NEK1: variants seen among roughly 807,000 people sequenced by gnomAD.
NEK1 encodes NIMA related kinase 1.
NEK1 carries 137 observed loss-of-function variants against 182.1 expected under a neutral mutation model. The ratio of observed to expected loss-of-function variants is 0.75; its 90% confidence interval spans 0.65 to 0.87. NEK1 has a LOEUF of 0.87. Among genes scored for constraint, NEK1 ranks in the 40% least tolerant of loss-of-function variants. The pLI, the probability that NEK1 is intolerant of heterozygous loss-of-function variation, is 0.00. For synonymous variants in NEK1, 513 were observed against 492.2 expected, an observed-to-expected ratio of 1.04 and a Z score of -0.56; for missense variants, 1,391 against 1,494.4, an observed-to-expected ratio of 0.93 and a Z score of 1.14.
chr4:169,585,635 A>G, intron 9 of NEK1, 86 bp from the exon 10 acceptor site: 1 of 833,994 alleles, frequency 1.2e-6, no homozygotes, highest in Non-Finnish European at 1.8e-6. Flanking sequence ...TTCTTTTCCT[A>G]CCAATATAGA....
intron 12 of NEK1, among the ~76,000 whole-genome samples, chr4:169,567,041 G>A (rs1456125114): frequency 6.6e-6 from 1 of 151,498 alleles, no homozygotes; most frequent in African/African-American, 2.4e-5. Flanking sequence ...AGTGAGCCAA[G>A]ATTGCACCAC....
intron 18 of NEK1, among the ~76,000 whole-genome samples, chr4:169,542,833 T>A (rs954454822): frequency 2.0e-5 from 3 of 152,132 alleles, no homozygotes; most frequent in African/African-American, 7.2e-5. Context: ...TTTGCCCGCT[T>A]ATTGATGGGG....
chr4:169,581,228 T>C (rs1168387631), intron 10 of NEK1, among the ~76,000 whole-genome samples: 1 of 151,884 alleles, frequency 6.6e-6, no homozygotes, highest in African/African-American at 2.4e-5. Flanking sequence ...AATAAATTCC[T>C]CTCATGCTTA....
chr4:169,585,544 T>G lies in NEK1; in HGVS notation c.612A>C (p.Glu204Asp), dbSNP rs1451246726. 2 of 1,604,938 alleles carry G rather than the reference T, an allele frequency of 1.2e-6. No homozygotes were observed. The highest frequency in any genetic ancestry group is 1.7e-6 in the Non-Finnish European group (2 of 1,174,646). Residue 204 changes from glutamate (E) to aspartate (D), a missense_variant, in exon 10 of 36, where the codon GAA becomes GAC. Coordinates refer to ENST00000507142, the MANE Select transcript of NEK1 (RefSeq NM_001199397.3). Reference sequence around the variant, plus strand: ...GTACCAGGTTTTTCATACTGCCAGCTTCAAACTAAATTCCAGAAAATAAAT... The same window carrying G: ...GTACCAGGTTTTTCATACTGCCAGCGTCAAACTAAATTCCAGAAAATAAAT... Reference protein sequence around the residue: ...YELCTLKHAFEAGSMKNLVLK... With the variant: ...YELCTLKHAFDAGSMKNLVLK...
chr4:169,507,180 G>C, intron 22 of NEK1, 48 bp from the exon 23 acceptor site: 1 of 893,110 alleles, frequency 1.1e-6, no homozygotes, highest in Non-Finnish European at 1.6e-6. Context: ...AAGAAGGGCA[G>C]AGGTTTTTTT....
At chr4:169,535,763 C>T (rs1476778844) in intron 19 of NEK1, among the ~76,000 whole-genome samples, 1 of 151,308 alleles carries the variant, frequency 6.6e-6, no homozygotes, top group Non-Finnish European at 1.5e-5. Flanking sequence ...GCCTGGAATC[C>T]CAGCTACTCA....
chr4:169,594,045 A>G (rs1561478250), intron 5 of NEK1, among the ~76,000 whole-genome samples: 5 of 152,184 alleles, frequency 3.3e-5, no homozygotes, highest in Admixed American at 6.5e-5. Flanking sequence ...TTATTTCATC[A>G]CACATTAGTT....
chr4:169,588,056 G>A lies in NEK1; in HGVS notation c.552-443C>T, dbSNP rs1036699398. Among the ~76,000 whole-genome samples, 7 of 152,052 alleles carry A rather than the reference G, an allele frequency of 4.6e-5. 1 individual carries two copies. Among genetic ancestry groups the A allele is most frequent in the Admixed American group, 2.0e-4 (3 of 15,270 alleles). ...TTTCCAATTAGAGAGAGAAAATAAA[G>A]GGTAGCTGGAATTTAATGGTAGAAT... On this transcript the variant is annotated intron_variant, in intron 8 of 35. Transcript: ENST00000507142.
At chr4:169,523,827 T>C (rs1264959730) in intron 19 of NEK1, among the ~76,000 whole-genome samples, 2 of 152,240 alleles carry the variant, frequency 1.3e-5, no homozygotes, top group Non-Finnish European at 2.9e-5. Flanking sequence ...CCTAACATAT[T>C]ACAGTCATTA....
At chr4:169,501,082 A>G (rs1277978276) in intron 23 of NEK1, among the ~76,000 whole-genome samples, 1 of 152,238 alleles carries the variant, frequency 6.6e-6, no homozygotes, top group Non-Finnish European at 1.5e-5. Flanking sequence ...ATTTAAAACA[A>G]AAAAGATCAG....
chr4:169,443,495 A>G (rs1441266603), intron 27 of NEK1, among the ~76,000 whole-genome samples: 3 of 152,006 alleles, frequency 2.0e-5, no homozygotes, highest in Non-Finnish European at 4.4e-5. Context: ...AAAAGGATAA[A>G]AGAAAAAAAA....
chr4:169,464,917 T>G (rs1002791683), intron 26 of NEK1, among the ~76,000 whole-genome samples: 1 of 152,068 alleles, frequency 6.6e-6, no homozygotes, highest in African/African-American at 2.4e-5. Context: ...CAAAGCAATA[T>G]ATAAAAATTA....
chr4:169,543,334 CATTGGTCTATATATCT>C (rs1217277406), intron 18 of NEK1, among the ~76,000 whole-genome samples: 3 of 152,180 alleles, frequency 2.0e-5, no homozygotes, highest in Middle Eastern at 3.4e-3. Context: ...TGTTCTGTTC[CATTGGTCTATATATCT>C]GTTTTGGTAC....
At chr4:169,567,790 G>C (rs1763962267) in intron 12 of NEK1, among the ~76,000 whole-genome samples, 1 of 152,142 alleles carries the variant, frequency 6.6e-6, no homozygotes, top group African/African-American at 2.4e-5. Context: ...TCTGCCTGAT[G>C]AAGTTTGAGG....
intron 12 of NEK1, among the ~76,000 whole-genome samples, chr4:169,569,480 C>CTCTCTCCG (rs1301925339): frequency 2.1e-5 from 3 of 143,920 alleles, no homozygotes; most frequent in African/African-American, 7.8e-5. Context: ...CCCTCTCTCC[C>CTCTCTCCG]TCTCTCCCTC....
At chr4:169,459,746 A>C (rs918978240) in intron 27 of NEK1, among the ~76,000 whole-genome samples, 11 of 152,220 alleles carry the variant, frequency 7.2e-5, no homozygotes, top group African/African-American at 2.7e-4. Flanking sequence ...GAGGAACCTT[A>C]AGTGTATATT....
intron 16 of NEK1, among the ~76,000 whole-genome samples, chr4:169,558,680 T>C (rs1762485268): frequency 6.6e-6 from 1 of 152,192 alleles, no homozygotes; most frequent in Non-Finnish European, 1.5e-5. Flanking sequence ...AATCACCATA[T>C]AACCATACAT....
chr4:169,543,998 T>G (rs1216570594), intron 18 of NEK1, among the ~76,000 whole-genome samples: 1 of 152,208 alleles, frequency 6.6e-6, no homozygotes. Context: ...CTGATTGCCC[T>G]GGCCAGAACT....
In NEK1 at chr4:169,585,495, GA is replaced by G; in HGVS notation, c.660del (p.Pro221HisfsTer38). The G allele has an allele frequency of 1.2e-6, 2 of 1,613,568 alleles. No homozygotes were observed. Among genetic ancestry groups the G allele is most frequent in the Non-Finnish European group, 1.7e-6 (2 of 1,179,650 alleles). ...NLVLKIISGS[F>X]PPVSLHYSYD... ...TAGGAATAATGCAAAGACACAGGTG[GA>G]AAAGATCCAGATATTATCTTCAGTA... On this transcript the variant is annotated frameshift_variant, in exon 10 of 36. Coordinates refer to ENST00000507142, the MANE Select transcript of NEK1 (RefSeq NM_001199397.3). LOFTEE classifies it high-confidence loss of function.
Sources: gnomAD v4.1 joint callset for allele counts (sites outside exome capture counted in the v4.1 genomes callset) on GRCh38, gnomAD v4.1.1 for gene constraint, MANE v1.5 for transcripts, NCBI Gene and HGNC (gene_info 2026-07-23, HGNC 2026-07-21) for gene names.